RPS6KA4: variants seen among roughly 807,000 people sequenced by gnomAD.
The protein encoded by RPS6KA4 is ribosomal protein S6 kinase alpha-4.
RPS6KA4 carries 38 observed loss-of-function variants against 89.6 expected under a neutral mutation model. That is an observed-to-expected ratio of 0.42 (90% CI 0.33 to 0.56). The LOEUF is 0.56. Ranked by LOEUF, RPS6KA4 falls within the 20% of genes least tolerant of loss-of-function variation. The pLI is 0.07. For missense variants in RPS6KA4, 873 were observed against 1,098.8 expected, an observed-to-expected ratio of 0.79 and a Z score of 2.90; for synonymous variants, 495 against 492.8, an observed-to-expected ratio of 1.00 and a Z score of -0.06.
intron 9 of RPS6KA4, among the ~76,000 whole-genome samples, chr11:64,367,781 C>T (rs866251424): frequency 3.3e-5 from 5 of 152,042 alleles, no homozygotes; most frequent in Non-Finnish European, 5.9e-5. Context: ...TTTTCCTCAG[C>T]GGATAGAGTT....
rs1208112059 is a variant in RPS6KA4 at position 64,359,389 on chromosome 11, G to C, written c.67G>C (p.Gly23Arg). Residue 23 changes from glycine (G) to arginine (R), a missense_variant, in exon 2 of 17, where the codon GGG (glycine) becomes CGG (arginine). By Grantham distance (125) the Gly-to-Arg change is moderately radical. Transcript: ENST00000334205. ...ELRITEANLTGHEEKVSVENF... is the reference protein window; with the variant it reads ...ELRITEANLTRHEEKVSVENF... ...CCCTGTGCCCACAGCCAACCTGACC[G>C]GGCACGAGGAGAAGGTGAGCGTGGA... 3.1e-6 allele frequency: 5 copies of C among 1,613,438 alleles called. No homozygotes were observed. The highest frequency in any genetic ancestry group is 3.4e-6 in the Non-Finnish European group (4 of 1,179,830).
rs1167960279 is a variant in RPS6KA4 at position 64,371,125 on chromosome 11, A to G, written c.2122-158A>G. 4.1e-5 allele frequency among the ~76,000 whole-genome samples: 6 copies of G among 147,174 alleles called. No individual in the cohort carries two copies. In the East Asian group the frequency reaches 1.2e-3, roughly 29 times the overall value. On this transcript the variant is annotated intron_variant, in intron 16 of 16. Coordinates refer to ENST00000334205, the MANE Select transcript of RPS6KA4 (RefSeq NM_003942.3). ...TCAAAAAAAAAAAAAAAAAAAAAAAAAGGGAGGTGAACCGAATCCGGTGGT... is the reference window on the plus strand; with the variant it reads ...TCAAAAAAAAAAAAAAAAAAAAAAAGAGGGAGGTGAACCGAATCCGGTGGT...
Position 64,360,464 on chromosome 11 carries a change from C to G in RPS6KA4, c.347-13C>G. The G allele has an allele frequency of 6.2e-7, 1 of 1,608,892 alleles. No homozygotes were observed. Among genetic ancestry groups the G allele is most frequent in the Non-Finnish European group, 8.5e-7 (1 of 1,177,816 alleles). Reference sequence around the variant, plus strand: ...TGACGGGGCTGCTTCCTGACTTCCACTGCACCTCCCAGACTATGTGAGCGG... The same window carrying G: ...TGACGGGGCTGCTTCCTGACTTCCAGTGCACCTCCCAGACTATGTGAGCGG... On this transcript the variant is annotated splice_polypyrimidine_tract_variant and intron_variant, in intron 3 of 16. Transcript: ENST00000334205.
chr11:64,368,552 C>T lies in RPS6KA4; in HGVS notation c.1285C>T (p.Arg429Cys). Residue 429 changes from arginine (R) to cysteine (C), a missense_variant, in exon 11 of 17, where the codon CGC becomes TGC. By Grantham distance (180) the Arg-to-Cys change is radical. Transcript: ENST00000334205. ...QGSFSVCRRCRQRQSGQEFAV... is the reference protein window; with the variant it reads ...QGSFSVCRRCCQRQSGQEFAV... ...CAGCTTTTCTGTGTGTCGCCGCTGC[C>T]GCCAGCGCCAGAGCGGCCAGGAGTT... is the stretch of plus-strand genomic sequence containing the variant. 1.3e-6 allele frequency: 2 copies of T among 1,595,566 alleles called. No homozygotes were observed. The highest frequency in any genetic ancestry group is 1.8e-4 in the Middle Eastern group (1 of 5,512).
intron 8 of RPS6KA4, among the ~76,000 whole-genome samples, chr11:64,363,214 C>T (rs757456671): frequency 6.6e-6 from 1 of 152,224 alleles, no homozygotes; most frequent in African/African-American, 2.4e-5. Context: ...ACTCATACTT[C>T]GAGTGCCATC....
chr11:64,369,651 C>A, intron 13 of RPS6KA4, 32 bp downstream of exon 13: 1 of 1,599,950 alleles, frequency 6.3e-7, no homozygotes, highest in East Asian at 2.3e-5. Flanking sequence ...CGGGGCGGAG[C>A]GGTGGCGCCG....
In RPS6KA4 at chr11:64,371,429, C is replaced by A. The variant is rs766366530; in HGVS notation, c.2268C>A (p.Val756=). Residue 756 remains valine, a synonymous_variant, in exon 17 of 17, where the codon GTC becomes GTA. Coordinates refer to ENST00000334205, the MANE Select transcript of RPS6KA4 (RefSeq NM_003942.3). ...CAGCCAACCCGGGCCGAGCCCCCGT[C>A]GCCTCCAAAGGGGCCCCCCGCCGAG... ...PAPANPGRAP[V]ASKGAPRRAN... The A allele has an allele frequency of 6.2e-7, 1 of 1,600,908 alleles. No homozygotes were observed. Among genetic ancestry groups the A allele is most frequent in the Non-Finnish European group, 8.5e-7 (1 of 1,173,878 alleles).
chr11:64,363,436 G>T (rs2036805028), intron 8 of RPS6KA4, among the ~76,000 whole-genome samples: 1 of 152,144 alleles, frequency 6.6e-6, no homozygotes, highest in African/African-American at 2.4e-5. Flanking sequence ...TACAGGAGAG[G>T]CCCCAAGGTC....
At position 64,370,709 on chromosome 11, in the gene RPS6KA4, C is replaced by A; in HGVS notation, c.2104C>A (p.Leu702Ile). 1 of 1,558,302 alleles carries A rather than the reference C, an allele frequency of 6.4e-7. No individual in the cohort carries two copies. The highest frequency in any genetic ancestry group is 8.7e-7 in the Non-Finnish European group (1 of 1,155,624). ...ESSGPAVRSGLNATFMAFNRG... is the reference protein window; with the variant it reads ...ESSGPAVRSGINATFMAFNRG... ...CTCTGGGCCCGCAGTGCGCTCGGGT[C>A]TCAACGCCACCTTCATGGTAAGGGG... The change falls in exon 16 of 17, where the codon CTC becomes ATC. Residue 702 changes from leucine to isoleucine, a missense_variant. By Grantham distance (5) the Leu-to-Ile change is conservative. Coordinates refer to ENST00000334205, the MANE Select transcript of RPS6KA4 (RefSeq NM_003942.3). This position sits in a 1 kb window ranked among gnomAD's most constrained non-coding sequence, Gnocchi z 4.1.
At position 64,365,432 on chromosome 11, in the gene RPS6KA4, C is replaced by A. The variant is rs139579817; in HGVS notation, c.1038C>A (p.Gly346=). ...TGGAGCCTGTCTACTCACCCCCTGG[C>A]AGCCCCCCACCTGGGGACCCCCGAA... is the stretch of plus-strand genomic sequence containing the variant. The part of the protein sequence containing the change: ...TRLEPVYSPP[G]SPPPGDPRIF... Residue 346 remains glycine (G), a synonymous_variant, in exon 9 of 17, where the codon GGC becomes GGA. Transcript: ENST00000334205. The A allele has an allele frequency of 6.2e-7, 1 of 1,613,984 alleles. No individual in the cohort carries two copies. The highest frequency in any genetic ancestry group is 8.5e-7 in the Non-Finnish European group (1 of 1,180,000).
Position 64,369,460 on chromosome 11 carries a change from G to A in RPS6KA4, c.1443G>A (p.Leu481=). ...EVHHDQLHTY[L]VLELLRGGEL... ...GCCGCCCGCAGCTGCACACGTACCT[G>A]GTCCTGGAGCTGCTGCGGGGCGGGG... Residue 481 remains leucine (L), a synonymous_variant, in exon 13 of 17, where the codon CTG becomes CTA. Transcript: ENST00000334205. 2 of 1,606,558 alleles carry A rather than the reference G, an allele frequency of 1.2e-6. No homozygotes were observed. The highest frequency in any genetic ancestry group is 8.5e-7 in the Non-Finnish European group (1 of 1,178,296).
At chr11:64,364,942 G>T (rs1726235046) in intron 8 of RPS6KA4, among the ~76,000 whole-genome samples, 2 of 146,684 alleles carry the variant, frequency 1.4e-5, no homozygotes, top group Non-Finnish European at 1.5e-5. Flanking sequence ...TAGTAGAGAT[G>T]GGGTTTCACC....
At chr11:64,369,352 G>T in intron 12 of RPS6KA4, 94 bp from the exon 13 acceptor site, 8 of 1,337,264 alleles carry the variant, frequency 6.0e-6, no homozygotes, top group South Asian at 3.0e-5. Context: ...TCGAACATTG[G>T]CAGGGCCCGA....
At position 64,361,371 on chromosome 11, in the gene RPS6KA4, C is replaced by G; in HGVS notation, c.571-98C>G. ...CAAGAAGTTTCCACAGCTCAGCTCT[C>G]CAACCTCACAAGTTGAGCGAGTCTT... On this transcript the variant is annotated intron_variant, in intron 5 of 16. Transcript: ENST00000334205. The surrounding 1 kb of genome is among the most constrained non-coding windows in gnomAD (Gnocchi z 4.7). 9 of 1,501,326 alleles carry G rather than the reference C, an allele frequency of 6.0e-6. No homozygotes were observed. Among genetic ancestry groups the G allele is most frequent in the Non-Finnish European group, 8.3e-6 (9 of 1,086,408 alleles). The allele number at this position is 1,501,326 out of a possible 1,614,324, so 93.0% of individuals were successfully genotyped here. A position where few individuals can be genotyped will look rare whatever the true frequency, so the allele number is the denominator to read the frequency against.
At chr11:64,368,910 G>A (rs994983231) in intron 12 of RPS6KA4, 113 bp downstream of exon 12, 45 of 990,464 alleles carry the variant, frequency 4.5e-5, no homozygotes, top group Non-Finnish European at 6.6e-5. Context: ...GTTTGATTCG[G>A]GGCCCAAAGG....
chr11:64,371,566 C>G lies in RPS6KA4; in HGVS notation c.*86C>G. The G allele has an allele frequency of 3.2e-6, 2 of 619,298 alleles. No homozygotes were observed. Among genetic ancestry groups the G allele is most frequent in the Admixed American group, 5.7e-5 (2 of 34,866 alleles). 38.4% of individuals were successfully genotyped at this position (619,298 alleles called of 1,614,324 possible). ...CCGGAGGCCTCTGCCTGCGGCTGACCTGATCCCCAAGGGACTGTCCTTTCC... is the reference window on the plus strand; with the variant it reads ...CCGGAGGCCTCTGCCTGCGGCTGACGTGATCCCCAAGGGACTGTCCTTTCC... On this transcript the variant is annotated 3_prime_UTR_variant, in exon 17 of 17. Transcript: ENST00000334205.
rs1323209902 is a variant in RPS6KA4, at chr11:64,361,336, T to C, written c.570+95T>C. The C allele has an allele frequency of 6.9e-6, 10 of 1,447,976 alleles. No homozygotes were observed. In the African/African-American group the frequency reaches 1.4e-4, roughly 20 times the overall value. 89.7% of individuals were successfully genotyped at this position (1,447,976 alleles called of 1,614,324 possible). A position where few individuals can be genotyped will look rare whatever the true frequency, so the allele number is the denominator to read the frequency against. On this transcript the variant is annotated intron_variant, in intron 5 of 16. Coordinates refer to ENST00000334205, the MANE Select transcript of RPS6KA4 (RefSeq NM_003942.3). The surrounding 1 kb of genome is among the most constrained non-coding windows in gnomAD (Gnocchi z 4.7). ...GGCCTGCATTCTGGGGCTGCAGAAG[T>C]GAATAGCTCCAAGAAGTTTCCACAG...
At chr11:64,365,585 C>A (rs2036859737) in intron 9 of RPS6KA4, 120 bp downstream of exon 9, 2 of 1,090,384 alleles carry the variant, frequency 1.8e-6, no homozygotes, top group African/African-American at 3.2e-5. Flanking sequence ...TCAGCGTCTC[C>A]CCTAGACGTC....
chr11:64,366,023 A>G (rs1040626355), intron 9 of RPS6KA4, among the ~76,000 whole-genome samples: 4 of 151,080 alleles, frequency 2.6e-5, no homozygotes, highest in Non-Finnish European at 5.9e-5. Flanking sequence ...TGGGCGACTG[A>G]GTGAAACTCC....
Sources: gnomAD v4.1 joint callset for allele counts (sites outside exome capture counted in the v4.1 genomes callset) on GRCh38, gnomAD v4.1.1 for gene constraint, Gnocchi (gnomAD v3.1) non-coding constraint, MANE v1.5 for transcripts, NCBI Gene and HGNC (gene_info 2026-07-23, HGNC 2026-07-21) for gene names.